LYSMD3: variants seen among roughly 807,000 people sequenced by gnomAD.
The protein encoded by LYSMD3 is LysM domain containing 3.
A neutral mutation model predicts 26.1 loss-of-function variants in LYSMD3; 13 were observed. The ratio of observed to expected loss-of-function variants is 0.50; its 90% CI spans 0.32 to 0.79. LYSMD3 has a LOEUF of 0.79. LYSMD3 is among the 30% of genes least tolerant of loss of function. The pLI, the probability that LYSMD3 is intolerant of heterozygous loss-of-function variation, is 0.03. For synonymous variants in LYSMD3, 109 were observed against 119.4 expected, an observed-to-expected ratio of 0.91 and a Z score of 0.57; for missense variants, 331 against 362.5, an observed-to-expected ratio of 0.91 and a Z score of 0.71.
At position 90,518,153 on chromosome 5, in the gene LYSMD3, A is replaced by C. The variant is rs1752993963; in HGVS notation, c.*666T>G. 1 of 152,206 alleles carries C rather than the reference A, an allele frequency of 6.6e-6. No individual in the cohort carries two copies. The highest frequency in any genetic ancestry group is 2.4e-5 in the African/African-American group (1 of 41,462). The allele number at this position is 152,206 out of a possible 1,614,324, so 9.4% of individuals were successfully genotyped here. A position where few individuals can be genotyped will look rare whatever the true frequency, so the allele number is the denominator to read the frequency against. ...GTCTGTCCTAAAGAAAGCATTCTTAAGACAAAAATTACTGTCAGGTCTTCA... is the reference window on the plus strand; with the variant it reads ...GTCTGTCCTAAAGAAAGCATTCTTACGACAAAAATTACTGTCAGGTCTTCA... On this transcript the variant is annotated 3_prime_UTR_variant, in exon 3 of 3. Transcript: ENST00000315948.
intron 2 of LYSMD3, among the ~76,000 whole-genome samples, chr5:90,520,037 CATAT>C (rs1753051167): frequency 6.6e-6 from 1 of 151,996 alleles, no homozygotes; most frequent in African/African-American, 2.4e-5. Flanking sequence ...TGTGGAAAAG[CATAT>C]ATACCTTAGA....
At chr5:90,528,287 AGCAATTTACACTTG>A (rs1472195943) in intron 1 of LYSMD3, among the ~76,000 whole-genome samples, 5 of 152,218 alleles carry the variant, frequency 3.3e-5, no homozygotes, top group African/African-American at 1.2e-4. Flanking sequence ...CTTAATATAC[AGCAATTTACACTTG>A]GCTATACCGA....
chr5:90,524,662 G>A (rs1044795409), intron 2 of LYSMD3, among the ~76,000 whole-genome samples: 1 of 152,074 alleles, frequency 6.6e-6, no homozygotes, highest in Non-Finnish European at 1.5e-5. Flanking sequence ...GCGCGATCTC[G>A]GCTCCTGCAA....
At chr5:90,524,090 C>A (rs982031439) in intron 2 of LYSMD3, among the ~76,000 whole-genome samples, 7 of 152,122 alleles carry the variant, frequency 4.6e-5, no homozygotes, top group African/African-American at 1.4e-4. Flanking sequence ...ATATTTGCCA[C>A]ACAAGGTAAA....
chr5:90,524,285 ATAATC>A (rs1187155234), intron 2 of LYSMD3, among the ~76,000 whole-genome samples: 1 of 152,226 alleles, frequency 6.6e-6, no homozygotes. Context: ...AATGCATAAT[ATAATC>A]CACTTTTAAA....
chr5:90,517,886 C>T lies in LYSMD3; in HGVS notation c.*933G>A, dbSNP rs561787254. The T allele has an allele frequency of 9.2e-5, 14 of 152,460 alleles. No individual in the cohort carries two copies. Among genetic ancestry groups the T allele is most frequent in the African/African-American group, 3.4e-4 (14 of 41,514 alleles). The allele number at this position is 152,460 out of a possible 1,614,324, so 9.4% of individuals were successfully genotyped here. A position where few individuals can be genotyped will look rare whatever the true frequency, so the allele number is the denominator to read the frequency against. ...TCTGATTGGACCATATGAAATAATG[C>T]TTATTTTTAATTCTGAAACTTGGAT... On this transcript the variant is annotated 3_prime_UTR_variant, in exon 3 of 3. Transcript: ENST00000315948.
At chr5:90,520,092 C>A (rs1753052232) in intron 2 of LYSMD3, among the ~76,000 whole-genome samples, 1 of 152,106 alleles carries the variant, frequency 6.6e-6, no homozygotes, top group African/African-American at 2.4e-5. Flanking sequence ...TTTCTGAAGC[C>A]ATTTCCCTCC....
intron 1 of LYSMD3, among the ~76,000 whole-genome samples, chr5:90,529,082 A>G (rs1373275365): frequency 6.6e-6 from 1 of 152,242 alleles, no homozygotes; most frequent in African/African-American, 2.4e-5. Flanking sequence ...ATTACGTCTC[A>G]GAGTCTTCTG....
intron 2 of LYSMD3, among the ~76,000 whole-genome samples, chr5:90,519,757 T>C (rs529344930): frequency 6.6e-6 from 1 of 152,220 alleles, no homozygotes; most frequent in East Asian, 1.9e-4. Flanking sequence ...CTAGAATCCT[T>C]TGCTGCTTCC....
At chr5:90,528,992 T>C (rs1214175277) in intron 1 of LYSMD3, among the ~76,000 whole-genome samples, 1 of 152,154 alleles carries the variant, frequency 6.6e-6, no homozygotes, top group African/African-American at 2.4e-5. Flanking sequence ...CAGGGACAAT[T>C]TTGTTTTTTA....
intron 1 of LYSMD3, among the ~76,000 whole-genome samples, chr5:90,528,380 G>C (rs1418478497): frequency 1.3e-5 from 2 of 152,184 alleles, no homozygotes; most frequent in African/African-American, 4.8e-5. Flanking sequence ...AATTGGCTTA[G>C]TAGTGCAGCT....
At chr5:90,526,860 T>C (rs1028638303) in intron 1 of LYSMD3, 2 of 152,178 alleles carry the variant, frequency 1.3e-5, no homozygotes, top group African/African-American at 4.8e-5. Context: ...AGGTTAGAAA[T>C]AAAATTTCAT....
At chr5:90,529,401 C>T in intron 1 of LYSMD3, 47 bp downstream of exon 1, 1 of 456,438 alleles carries the variant, frequency 2.2e-6, no homozygotes, top group Non-Finnish European at 4.4e-6. Context: ...GGGCTCAACC[C>T]CGCCCTCCTG....
At chr5:90,524,150 A>G (rs943024853) in intron 2 of LYSMD3, among the ~76,000 whole-genome samples, 90 of 152,306 alleles carry the variant, frequency 5.9e-4, no homozygotes, top group Non-Finnish European at 1.6e-4. Context: ...GCTTAAAAAT[A>G]CTGGAACGTT....
chr5:90,518,785 A>G lies in LYSMD3; in HGVS notation c.*34T>C, dbSNP rs756917179. Reference sequence around the variant, plus strand: ...CTGATTCACCACATTCCAGATGCACATGTGACCACTAACATTTGATTATGA... The same window carrying G: ...CTGATTCACCACATTCCAGATGCACGTGTGACCACTAACATTTGATTATGA... On this transcript the variant is annotated 3_prime_UTR_variant, in exon 3 of 3. Coordinates refer to ENST00000315948, the MANE Select transcript of LYSMD3 (RefSeq NM_198273.2). 1 of 1,530,254 alleles carries G rather than the reference A, an allele frequency of 6.5e-7. No individual in the cohort carries two copies. The highest frequency in any genetic ancestry group is 8.8e-7 in the Non-Finnish European group (1 of 1,138,814). 94.8% of individuals were successfully genotyped at this position (1,530,254 alleles called of 1,614,324 possible).
At chr5:90,522,081 G>A (rs73173981) in intron 2 of LYSMD3, among the ~76,000 whole-genome samples, 3,984 of 152,178 alleles carry the variant, frequency 0.026, 171 homozygotes, top group African/African-American at 0.091. Context: ...TCCAATGTTA[G>A]GGGTGGGGCC....
At chr5:90,525,470 G>A (rs187692626) in intron 1 of LYSMD3, among the ~76,000 whole-genome samples, 170 bp from the exon 2 acceptor site, 5 of 152,216 alleles carry the variant, frequency 3.3e-5, no homozygotes, top group Admixed American at 1.3e-4. Flanking sequence ...TTTGTTTTGA[G>A]ATGGAGTCTC....
At position 90,525,109 on chromosome 5, in the gene LYSMD3, C is replaced by T. The variant is rs773748102; in HGVS notation, c.181G>A (p.Asp61Asn). The T allele has an allele frequency of 1.4e-5, 23 of 1,613,630 alleles. No homozygotes were observed. Among genetic ancestry groups the T allele is most frequent in the Non-Finnish European group, 1.8e-5 (21 of 1,179,738 alleles). The change falls in exon 2 of 3, where the codon GAC (aspartate) becomes AAC (asparagine). Residue 61 changes from aspartate (D) to asparagine (N), a missense_variant. By Grantham distance (23) the Asp-to-Asn change is conservative. Around this residue, in one of 3 missense-constraint regions of LYSMD3, gnomAD observed 262 missense variants for 267.3 expected, o/e 0.98. Transcript: ENST00000315948. ...RRSTSRDRLD[D>N]IIVLTKDIQE... ...ATATCTTTTGTTAATACTATAATGTCGTCAAGTCTATCTCTTGATGTACTT... is the reference window on the plus strand; with the variant it reads ...ATATCTTTTGTTAATACTATAATGTTGTCAAGTCTATCTCTTGATGTACTT...
In LYSMD3 at chr5:90,525,234, C is replaced by A; in HGVS notation, c.56G>T (p.Gly19Val). The A allele has an allele frequency of 1.2e-6, 2 of 1,613,826 alleles. No homozygotes were observed. Among genetic ancestry groups the A allele is most frequent in the Non-Finnish European group, 1.7e-6 (2 of 1,179,938 alleles). The change falls in exon 2 of 3, where the codon GGT becomes GTT. Residue 19 changes from glycine (G) to valine (V), a missense_variant. Physicochemically the swap from Gly to Val is moderately radical, Grantham distance 109. Coordinates refer to ENST00000315948, the MANE Select transcript of LYSMD3 (RefSeq NM_198273.2). The stretch of plus-strand genomic sequence containing the variant: ...ACAATTTCCAAATGCATGTACTTGA[C>A]CACTTGACTGAACTCCTGGAAGAGG... Reference protein sequence around the residue: ...SFPLPGVQSSGQVHAFGNCSD... With the variant: ...SFPLPGVQSSVQVHAFGNCSD...
Sources: allele counts gnomAD v4.1 joint callset (sites outside exome capture counted in the v4.1 genomes callset), GRCh38; gene constraint gnomAD v4.1.1; regional missense constraint gnomAD v4.1.1; transcripts MANE v1.5; gene names NCBI Gene and HGNC (gene_info 2026-07-23, HGNC 2026-07-21).